The following PCDH11X variants were observed in gnomAD, a reference collection of about 807,000 sequenced individuals.
The protein encoded by PCDH11X is protocadherin-11 X-linked.
In PCDH11X, 18 loss-of-function variants were observed where a neutral mutation model predicts 53.3. That is an observed-to-expected ratio of 0.34 (90% CI 0.23 to 0.50). The LOEUF (loss-of-function observed/expected upper bound fraction) is 0.50, where lower values mean the gene tolerates loss of function less well. PCDH11X is among the 20% of genes least tolerant of loss of function. The pLI is 0.98. For synonymous variants in PCDH11X, 279 were observed against 393.3 expected (o/e 0.71, Z 3.44); for missense variants, 570 against 1,032.4 (o/e 0.55, Z 6.14).
chrX:91,957,517 G>A (rs1002087686), intron 6 of PCDH11X, among the ~76,000 whole-genome samples: 12 of 109,379 alleles, frequency 1.1e-4, no homozygotes, highest in African/African-American at 3.8e-4. Context: ...CTACTTTACT[G>A]TATGGCTGCT....
intron 7 of PCDH11X, among the ~76,000 whole-genome samples, chrX:92,255,971 G>A (rs1393252446): frequency 1.8e-5 from 2 of 112,453 alleles, no homozygotes; most frequent in Non-Finnish European, 3.8e-5. Context: ...CCCAGTTGGA[G>A]CTTCCCAGCT....
At chrX:92,406,837 G>T in intron 9 of PCDH11X, among the ~76,000 whole-genome samples, 1 of 105,765 alleles carries the variant, frequency 9.5e-6, no homozygotes, top group South Asian at 4.4e-4. Context: ...TGAGGCAAGA[G>T]AATTGCTTGA....
chrX:92,112,108 C>CA (rs1298986415), intron 6 of PCDH11X, among the ~76,000 whole-genome samples: 17,188 of 72,159 alleles, frequency 0.24, 1,873 homozygotes, highest in East Asian at 0.41. Flanking sequence ...CCAGGAATAC[C>CA]AAAAAAAAAA....
intron 9 of PCDH11X, among the ~76,000 whole-genome samples, chrX:92,417,820 A>ATTTTTT (rs61034265): frequency 0.018 from 1,187 of 67,505 alleles, 52 homozygotes; most frequent in African/African-American, 0.038. Flanking sequence ...CTTTTCTTCC[A>ATTTTTT]TTTTTTTTTT....
At chrX:92,154,505 C>G (rs1010784566) in intron 6 of PCDH11X, among the ~76,000 whole-genome samples, 17 of 106,131 alleles carry the variant, frequency 1.6e-4, no homozygotes, top group African/African-American at 6.1e-4. Context: ...CCCAAAGGAC[C>G]TAGGTGAGGA....
At chrX:92,455,861 C>T (rs1448486922) in intron 9 of PCDH11X, among the ~76,000 whole-genome samples, 1 of 98,880 alleles carries the variant, frequency 1.0e-5, no homozygotes, top group Non-Finnish European at 2.0e-5. Context: ...TATAAGATTT[C>T]AAATTATAGG....
intron 7 of PCDH11X, among the ~76,000 whole-genome samples, chrX:92,230,439 T>A (rs780711201): frequency 0.019 from 385 of 20,518 alleles, 10 homozygotes; most frequent in Middle Eastern, 0.033. Flanking sequence ...ATATATATTA[T>A]ATATTTATAT....
intron 10 of PCDH11X, among the ~76,000 whole-genome samples, chrX:92,544,379 G>T (rs1428100077): frequency 4.5e-5 from 5 of 111,643 alleles, no homozygotes; most frequent in African/African-American, 6.5e-5. Context: ...GAATACAAGA[G>T]AAATTATTCA....
At chrX:92,430,831 C>A (rs772872120) in intron 9 of PCDH11X, among the ~76,000 whole-genome samples, 1 of 105,205 alleles carries the variant, frequency 9.5e-6, no homozygotes, top group East Asian at 2.9e-4. Flanking sequence ...AGGTTTACAA[C>A]TCTGTTTGCA....
At chrX:92,544,061 C>T (rs1277579400) in intron 10 of PCDH11X, among the ~76,000 whole-genome samples, 4 of 107,914 alleles carry the variant, frequency 3.7e-5, no homozygotes, top group South Asian at 4.1e-4. Flanking sequence ...CTAGTATGCT[C>T]GGGGGTTAAT....
intron 10 of PCDH11X, among the ~76,000 whole-genome samples, chrX:92,570,941 CATAGAT>C (rs1292552878): frequency 2.3e-4 from 26 of 110,898 alleles, no homozygotes; most frequent in Middle Eastern, 4.6e-3. Context: ...AGAATAAACA[CATAGAT>C]ATGATTCATT....
At chrX:91,904,905 A>G (rs1941095375) in intron 6 of PCDH11X, among the ~76,000 whole-genome samples, 1 of 110,295 alleles carries the variant, frequency 9.1e-6, no homozygotes, top group Non-Finnish European at 1.9e-5. Context: ...ATTAAAATCT[A>G]TAATAAGCTA....
intron 9 of PCDH11X, among the ~76,000 whole-genome samples, chrX:92,407,136 C>T (rs986599814): frequency 1.9e-5 from 2 of 105,251 alleles, no homozygotes; most frequent in African/African-American, 3.5e-5. Flanking sequence ...CTGTTGACTC[C>T]TTTTGCATGT....
chrX:92,545,592 G>A (rs1443454635), intron 10 of PCDH11X, among the ~76,000 whole-genome samples: 1 of 108,871 alleles, frequency 9.2e-6, no homozygotes, highest in Non-Finnish European at 1.9e-5. Flanking sequence ...GTAGGGACAG[G>A]GTTTCACCAT....
chrX:92,551,665 G>A (rs1431257047), intron 10 of PCDH11X, among the ~76,000 whole-genome samples: 1 of 109,750 alleles, frequency 9.1e-6, no homozygotes, highest in African/African-American at 3.3e-5. Context: ...ATGTTTTCTT[G>A]TTGTAGGTTC....
intron 8 of PCDH11X, among the ~76,000 whole-genome samples, chrX:92,300,181 A>AT (rs1220447145): frequency 9.1e-6 from 1 of 110,076 alleles, no homozygotes; most frequent in African/African-American, 3.3e-5. Context: ...GGTTTGTGTG[A>AT]TTTTTTAAAA....
At chrX:92,163,974 C>T (rs1288530709) in intron 6 of PCDH11X, among the ~76,000 whole-genome samples, 1 of 111,571 alleles carries the variant, frequency 9.0e-6, no homozygotes. Flanking sequence ...AGAGACTGTA[C>T]TTTGCAAACA....
At chrX:92,004,615 C>G (rs1434963042) in intron 6 of PCDH11X, among the ~76,000 whole-genome samples, 1 of 109,686 alleles carries the variant, frequency 9.1e-6, no homozygotes, top group African/African-American at 3.3e-5. Context: ...AAATTGACCC[C>G]ATTATCATTA....
intron 6 of PCDH11X, among the ~76,000 whole-genome samples, chrX:92,014,991 A>T (rs1354974436): frequency 1.8e-5 from 2 of 111,230 alleles, no homozygotes; most frequent in African/African-American, 6.6e-5. Flanking sequence ...CATATGGAAC[A>T]AACCTGCATG....
Sources: gnomAD v4.1 joint callset for allele counts (sites outside exome capture counted in the v4.1 genomes callset) on GRCh38, gnomAD v4.1.1 for gene constraint, MANE v1.5 for transcripts, NCBI Gene and HGNC (gene_info 2026-07-23, HGNC 2026-07-21) for gene names.